Variants in TCF7L1 observed in about 807,000 individuals in gnomAD.
TCF7L1 encodes the protein transcription factor 7-like 1.
Under a neutral mutation model 63.7 loss-of-function variants are expected in TCF7L1, and 18 were observed. That is an observed-to-expected ratio of 0.28 (90% CI 0.20 to 0.42). TCF7L1 has a LOEUF of 0.42. TCF7L1 is among the 10% of genes least tolerant of loss of function. TCF7L1 has a pLI of 1.00. For synonymous variants in TCF7L1, 355 were observed against 340.9 expected, an observed-to-expected ratio of 1.04 and a Z score of -0.46; for missense variants, 654 against 779.3, an observed-to-expected ratio of 0.84 and a Z score of 1.91.
chr2:85,287,208 G>A (rs548888691), intron 4 of TCF7L1, among the ~76,000 whole-genome samples: 3 of 152,184 alleles, frequency 2.0e-5, no homozygotes, highest in East Asian at 1.9e-4. Context: ...CAACACAGCC[G>A]ACAGCCAAGG....
chr2:85,214,489 A>C (rs572378275), intron 3 of TCF7L1, among the ~76,000 whole-genome samples: 2 of 152,228 alleles, frequency 1.3e-5, no homozygotes, highest in African/African-American at 2.4e-5. Context: ...AGAATAACCA[A>C]AACTGTACAA....
intron 3 of TCF7L1, among the ~76,000 whole-genome samples, chr2:85,216,501 T>C (rs932636137): frequency 2.0e-5 from 3 of 152,228 alleles, no homozygotes; most frequent in Non-Finnish European, 4.4e-5. Flanking sequence ...ACTGAGTTCA[T>C]CTTACCCTTT....
intron 4 of TCF7L1, among the ~76,000 whole-genome samples, chr2:85,301,644 G>A (rs1183924888): frequency 5.3e-5 from 8 of 152,178 alleles, no homozygotes; most frequent in Admixed American, 2.0e-4. Context: ...GTGGTAGTGA[G>A]GTCAGCAGAG....
chr2:85,215,414 A>G (rs982476998), intron 3 of TCF7L1, among the ~76,000 whole-genome samples: 37 of 152,304 alleles, frequency 2.4e-4, no homozygotes, highest in Admixed American at 2.0e-4. Flanking sequence ...TGGCTTCAAC[A>G]AACAGTTCCC....
chr2:85,177,858 G>A (rs1021475140), intron 3 of TCF7L1, among the ~76,000 whole-genome samples: 1 of 152,092 alleles, frequency 6.6e-6, no homozygotes, highest in Non-Finnish European at 1.5e-5. Context: ...ACAGTTTTTG[G>A]TGGTTTCTTC....
At chr2:85,212,026 G>A (rs542900901) in intron 3 of TCF7L1, among the ~76,000 whole-genome samples, 1 of 144,896 alleles carries the variant, frequency 6.9e-6, no homozygotes, top group East Asian at 2.1e-4. Flanking sequence ...GGAGGCAGAG[G>A]TTGCAGTGAG....
At chr2:85,167,651 C>G (rs1285628163) in intron 3 of TCF7L1, among the ~76,000 whole-genome samples, 1 of 152,078 alleles carries the variant, frequency 6.6e-6, no homozygotes, top group Non-Finnish European at 1.5e-5. Context: ...ATCACTTGAG[C>G]CCAGAAGTTC....
At chr2:85,216,239 C>T (rs1468496954) in intron 3 of TCF7L1, among the ~76,000 whole-genome samples, 1 of 152,194 alleles carries the variant, frequency 6.6e-6, no homozygotes, top group Admixed American at 6.5e-5. Context: ...CCAGCCTTTC[C>T]TTCCCCGTGG....
Position 85,181,984 on chromosome 2 carries a change from C to T in TCF7L1, c.441+47534C>T, listed in dbSNP as rs184870659. Among the ~76,000 whole-genome samples, 277 of 152,188 alleles carry T rather than the reference C, an allele frequency of 1.8e-3. 1 individual carries two copies. Among genetic ancestry groups the T allele is most frequent in the African/African-American group, 6.4e-3 (265 of 41,514 alleles). On this transcript the variant is annotated intron_variant, in intron 3 of 11. Transcript: ENST00000282111. The stretch of plus-strand genomic sequence containing the variant: ...TGCGTAAAACTGAAACCTTATGGGG[C>T]GGGCCCTGTGGTGTCTAAGGCCACA...
chr2:85,257,826 C>G (rs899965675), intron 3 of TCF7L1, among the ~76,000 whole-genome samples: 3 of 152,206 alleles, frequency 2.0e-5, no homozygotes, highest in East Asian at 3.9e-4. Flanking sequence ...CTACCTGCCC[C>G]CTCCCGCCAC....
At chr2:85,259,083 T>C (rs1435177463) in intron 3 of TCF7L1, among the ~76,000 whole-genome samples, 4 of 152,286 alleles carry the variant, frequency 2.6e-5, no homozygotes, top group Admixed American at 2.0e-4. Flanking sequence ...CCTCCCTACC[T>C]ATAGCTGAGG....
chr2:85,148,197 G>A (rs911398711), intron 3 of TCF7L1, among the ~76,000 whole-genome samples: 1 of 152,192 alleles, frequency 6.6e-6, no homozygotes. Context: ...TGATGCAAAG[G>A]AGAGTTAATG....
At position 85,304,329 on chromosome 2, in the gene TCF7L1, C is replaced by G. The variant is rs749856043; in HGVS notation, c.836C>G (p.Ser279Trp). Residue 279 changes from serine to tryptophan, a missense_variant, in exon 7 of 12, where the codon TCG (serine) becomes TGG (tryptophan). By Grantham distance (177) the Ser-to-Trp change is radical. Around this residue, in one of 3 missense-constraint regions of TCF7L1, gnomAD observed 404 missense variants for 454.8 expected, o/e 0.89. Transcript: ENST00000282111. ...HPYPALAMNA[S>W]MSSLVSSRFS... ...TACCCCGCCCTCGCCATGAACGCCT[C>G]GATGTCCAGGTGAGTCCCGGGGCTG... 1 of 1,614,048 alleles carries G rather than the reference C, an allele frequency of 6.2e-7. No individual in the cohort carries two copies.
chr2:85,278,208 C>G (rs1681322020), intron 3 of TCF7L1, among the ~76,000 whole-genome samples: 1 of 152,208 alleles, frequency 6.6e-6, no homozygotes, highest in Non-Finnish European at 1.5e-5. Flanking sequence ...TTCCCGAGAT[C>G]CACGTTGAGC....
chr2:85,165,341 G>T (rs1295511377), intron 3 of TCF7L1, among the ~76,000 whole-genome samples: 1 of 151,454 alleles, frequency 6.6e-6, no homozygotes, highest in East Asian at 1.9e-4. Flanking sequence ...CAGAGATTAG[G>T]TGATTAGGTA....
At chr2:85,297,223 A>G (rs926333124) in intron 4 of TCF7L1, among the ~76,000 whole-genome samples, 2 of 152,206 alleles carry the variant, frequency 1.3e-5, no homozygotes, top group Non-Finnish European at 2.9e-5. Context: ...TCAGAAACAT[A>G]CCATTGCTCA....
At chr2:85,140,547 C>T (rs1401133690) in intron 3 of TCF7L1, among the ~76,000 whole-genome samples, 1 of 152,042 alleles carries the variant, frequency 6.6e-6, no homozygotes, top group Non-Finnish European at 1.5e-5. Flanking sequence ...GTCTGTAATC[C>T]CAGCTCTTTG....
intron 3 of TCF7L1, among the ~76,000 whole-genome samples, chr2:85,276,349 C>A (rs893935319): frequency 1.3e-5 from 2 of 152,194 alleles, no homozygotes; most frequent in African/African-American, 4.8e-5. Context: ...GTATTCTCGG[C>A]AGACTAAGCC....
At position 85,304,270 on chromosome 2, in the gene TCF7L1, G is replaced by A; in HGVS notation, c.777G>A (p.Met259Ile). Residue 259 changes from methionine (M) to isoleucine (I), a missense_variant, in exon 7 of 12, where the codon ATG becomes ATA. Met to Ile is a conservative substitution (Grantham distance 10). Coordinates refer to ENST00000282111, the MANE Select transcript of TCF7L1 (RefSeq NM_031283.3). ...GWLVPQQGQP[M>I]YSLPPGGFRH... The stretch of plus-strand genomic sequence containing the variant: ...CCCCTCACAGGCAAGGCCAGCCCAT[G>A]TACTCCCTTCCTCCCGGTGGCTTCC... 6.2e-7 allele frequency: 1 copy of A among 1,613,812 alleles called. No homozygotes were observed. Among genetic ancestry groups the A allele is most frequent in the Non-Finnish European group, 8.5e-7 (1 of 1,179,914 alleles).
Sources: gnomAD v4.1 joint callset for allele counts (sites outside exome capture counted in the v4.1 genomes callset) on GRCh38, gnomAD v4.1.1 for gene constraint, gnomAD v4.1.1 regional missense constraint, MANE v1.5 for transcripts, NCBI Gene and HGNC (gene_info 2026-07-23, HGNC 2026-07-21) for gene names.